FAM227B: variants seen among roughly 807,000 people sequenced by gnomAD.
FAM227B encodes the protein family with sequence similarity 227 member B, also known as protein FAM227B.
In FAM227B, 88 loss-of-function variants were observed where a neutral mutation model predicts 73.8. The ratio of observed to expected loss-of-function variants is 1.19; its 90% CI spans 1.00 to 1.42. FAM227B has a LOEUF of 1.42. Among genes scored for constraint, FAM227B ranks in the 40% most tolerant of loss-of-function variants. The pLI is 0.00. For missense variants in FAM227B, 632 were observed against 590.9 expected (o/e 1.07, Z -0.72); for synonymous variants, 210 against 190.5 (o/e 1.10, Z -0.84).
intron 11 of FAM227B, among the ~76,000 whole-genome samples, chr15:49,400,680 C>T (rs2048072524): frequency 1.4e-5 from 2 of 142,292 alleles, no homozygotes; most frequent in East Asian, 2.0e-4. Flanking sequence ...AGAACAGAGC[C>T]CTCAGAAATA....
intron 13 of FAM227B, among the ~76,000 whole-genome samples, chr15:49,346,652 C>G (rs574463573): frequency 6.6e-6 from 1 of 152,196 alleles, no homozygotes; most frequent in East Asian, 1.9e-4. Flanking sequence ...TCTTGTATCC[C>G]TTAGAGATAG....
In FAM227B at chr15:49,327,854, T is replaced by G. The variant is rs765806715; in HGVS notation, c.*714A>C. 7.0e-5 allele frequency: 81 copies of G among 1,163,052 alleles called. No homozygotes were observed. Among genetic ancestry groups the G allele is most frequent in the Middle Eastern group, 4.5e-4 (2 of 4,478 alleles). The allele number at this position is 1,163,052 out of a possible 1,614,324, so 72.0% of individuals were successfully genotyped here. ...ACCTAAAAACCCCGCATGTATTTTCTTCTTAGAACTTAGATAGGCTATGTG... is the reference window on the plus strand; with the variant it reads ...ACCTAAAAACCCCGCATGTATTTTCGTCTTAGAACTTAGATAGGCTATGTG... On this transcript the variant is annotated 3_prime_UTR_variant, in exon 16 of 16. Transcript: ENST00000299338.
chr15:49,466,390 A>G (rs746367135), intron 11 of FAM227B, among the ~76,000 whole-genome samples: 2 of 152,222 alleles, frequency 1.3e-5, no homozygotes, highest in Non-Finnish European at 2.9e-5. Flanking sequence ...TGGGAGAGGA[A>G]GACAATTAGT....
At chr15:49,339,505 CA>C (rs1351515337) in intron 13 of FAM227B, among the ~76,000 whole-genome samples, 3 of 152,156 alleles carry the variant, frequency 2.0e-5, no homozygotes, top group African/African-American at 7.2e-5. Context: ...AGCTTCGTCC[CA>C]GAGGGGCACC....
chr15:49,556,516 A>G (rs1371621189), intron 9 of FAM227B, among the ~76,000 whole-genome samples: 1 of 152,212 alleles, frequency 6.6e-6, no homozygotes, highest in Admixed American at 6.5e-5. Flanking sequence ...GCACTTCATC[A>G]GACAGGGGCC....
rs1163644425 is a variant in FAM227B at position 49,559,385 on chromosome 15, C to A, written c.747+8860G>T. Among the ~76,000 whole-genome samples, 3 of 152,196 alleles carry A rather than the reference C, an allele frequency of 2.0e-5. No homozygotes were observed. The East Asian group carries it at 5.8e-4, about 30-fold the overall frequency. ...TTATGGCACCAGGTACTCCAATGTC[C>A]AGTCCTTCACTTGAAACAACAGAGA... On this transcript the variant is annotated intron_variant, in intron 9 of 15. Coordinates refer to ENST00000299338, the MANE Select transcript of FAM227B (RefSeq NM_152647.3).
At chr15:49,480,189 A>G (rs145438374) in intron 11 of FAM227B, among the ~76,000 whole-genome samples, 27,243 of 152,250 alleles carry the variant, frequency 0.18, 3,138 homozygotes, top group Non-Finnish European at 0.25. Flanking sequence ...CAAGCAATTA[A>G]GAATATAAGT....
At chr15:49,574,085 C>A (rs371713575) in intron 8 of FAM227B, among the ~76,000 whole-genome samples, 4 of 151,988 alleles carry the variant, frequency 2.6e-5, no homozygotes, top group Non-Finnish European at 5.9e-5. Flanking sequence ...TAAAAAAAAA[C>A]TGACTTTGTA....
At chr15:49,526,015 G>C (rs2060178726) in intron 10 of FAM227B, among the ~76,000 whole-genome samples, 1 of 151,674 alleles carries the variant, frequency 6.6e-6, no homozygotes, top group Admixed American at 6.6e-5. Context: ...ATCAAGAAAG[G>C]AACTCTGGAC....
chr15:49,597,917 A>G (rs28748036), intron 3 of FAM227B, among the ~76,000 whole-genome samples: 28 of 152,018 alleles, frequency 1.8e-4, no homozygotes, highest in Non-Finnish European at 1.6e-4. Context: ...CATAGATTAA[A>G]CCAGGAAAAA....
intron 10 of FAM227B, among the ~76,000 whole-genome samples, chr15:49,521,151 C>T (rs193240067): frequency 6.6e-6 from 1 of 152,290 alleles, no homozygotes; most frequent in East Asian, 1.9e-4. Context: ...GACACTGTCT[C>T]ATCCAGGGAA....
intron 11 of FAM227B, among the ~76,000 whole-genome samples, chr15:49,504,298 G>T (rs1316394344): frequency 8.9e-6 from 1 of 112,812 alleles, no homozygotes; most frequent in Non-Finnish European, 1.7e-5. Context: ...AGGGGGGAGG[G>T]ATAGCATTAG....
At chr15:49,600,996 C>T (rs967652137) in intron 3 of FAM227B, among the ~76,000 whole-genome samples, 8 of 147,122 alleles carry the variant, frequency 5.4e-5, no homozygotes, top group African/African-American at 7.5e-5. Flanking sequence ...GAGTGGAGAT[C>T]GCGCCATTGC....
chr15:49,335,200 C>A lies in FAM227B; in HGVS notation c.1349+219G>T, dbSNP rs142161638. Among the ~76,000 whole-genome samples the A allele has an allele frequency of 6.3e-3, 964 of 152,224 alleles. 15 individuals are homozygous for A. The highest frequency in any genetic ancestry group is 0.022 in the African/African-American group (908 of 41,526). On this transcript the variant is annotated intron_variant, in intron 14 of 15. Transcript: ENST00000299338. ...GGTGCACCCCTCCAGTCACACCAAG[C>A]AAAGCTTCCTTCCTTTCTTCTGTCC...
intron 11 of FAM227B, among the ~76,000 whole-genome samples, chr15:49,495,743 G>C (rs2057543320): frequency 6.6e-6 from 1 of 152,120 alleles, no homozygotes; most frequent in Non-Finnish European, 1.5e-5. Flanking sequence ...TAAAATCCGG[G>C]CCGGGCATGG....
At chr15:49,567,352 G>A (rs1352814856) in intron 9 of FAM227B, among the ~76,000 whole-genome samples, 4 of 152,124 alleles carry the variant, frequency 2.6e-5, no homozygotes, top group African/African-American at 9.7e-5. Context: ...AACCTGAGAG[G>A]CTGAGTGGCT....
intron 9 of FAM227B, among the ~76,000 whole-genome samples, chr15:49,561,940 T>C (rs1486037814): frequency 1.3e-5 from 2 of 151,836 alleles, no homozygotes; most frequent in Non-Finnish European, 2.9e-5. Flanking sequence ...CTAAAGGAAC[T>C]AGAAAAATAA....
At chr15:49,593,198 T>A (rs2076686585) in intron 3 of FAM227B, among the ~76,000 whole-genome samples, 1 of 152,104 alleles carries the variant, frequency 6.6e-6, no homozygotes, top group African/African-American at 2.4e-5. Flanking sequence ...GCACCCTCTG[T>A]CCAACCAGTC....
rs747491409 is a variant in FAM227B, at chr15:49,331,834, A to G, written c.1365T>C (p.Ala455=). The change falls in exon 15 of 16, where the codon GCT becomes GCC. Residue 455 remains alanine, a synonymous_variant. Coordinates refer to ENST00000299338, the MANE Select transcript of FAM227B (RefSeq NM_152647.3). Reference sequence around the variant, plus strand: ...GTTTCACTTCATGAGGTTTCTTGGTAGCCTTTGCTTGGAGTCTAATCATGG... The same window carrying G: ...GTTTCACTTCATGAGGTTTCTTGGTGGCCTTTGCTTGGAGTCTAATCATGG... ...QKDFRILQAK[A]TKKPHEVKQD... The G allele has an allele frequency of 6.2e-6, 10 of 1,610,162 alleles. No individual in the cohort carries two copies. The highest frequency in any genetic ancestry group is 3.3e-4 in the Middle Eastern group (2 of 6,054).
Sources: allele counts gnomAD v4.1 joint callset (sites outside exome capture counted in the v4.1 genomes callset), GRCh38; gene constraint gnomAD v4.1.1; transcripts MANE v1.5; gene names NCBI Gene and HGNC (gene_info 2026-07-23, HGNC 2026-07-21).